Variants in NR2F1-AS1 observed in about 807,000 individuals in gnomAD.
NR2F1-AS1 encodes NR2F1 antisense RNA 1.
At chr5:93,490,513 G>A (rs1356832420) in intron 4 of NR2F1-AS1, among the ~76,000 whole-genome samples, 1 of 149,912 alleles carries the variant, frequency 6.7e-6, no homozygotes, top group Non-Finnish European at 1.5e-5. Context: ...TAATGGTGGT[G>A]TTGATGGTCA....
intron 4 of NR2F1-AS1, among the ~76,000 whole-genome samples, chr5:93,420,284 T>G (rs1749061328): frequency 6.6e-6 from 1 of 152,166 alleles, no homozygotes; most frequent in Non-Finnish European, 1.5e-5. Context: ...ATGTGTGCTC[T>G]TGGTAGGCAG....
chr5:93,497,482 G>A (rs1279829975), intron 4 of NR2F1-AS1, among the ~76,000 whole-genome samples: 2 of 152,110 alleles, frequency 1.3e-5, no homozygotes, highest in Non-Finnish European at 2.9e-5. Flanking sequence ...GTGGATGAAA[G>A]GTCCTACTTT....
chr5:93,495,213 G>A (rs1426212203), intron 4 of NR2F1-AS1, among the ~76,000 whole-genome samples: 1 of 152,096 alleles, frequency 6.6e-6, no homozygotes, highest in Admixed American at 6.6e-5. Context: ...TTACATACAT[G>A]TGGCTGTTCT....
chr5:93,564,527 A>G (rs1752572652), intron 1 of NR2F1-AS1, among the ~76,000 whole-genome samples: 1 of 152,198 alleles, frequency 6.6e-6, no homozygotes, highest in South Asian at 2.1e-4. Context: ...TTTTCTCCAA[A>G]GAGATTTTAA....
intron 4 of NR2F1-AS1, among the ~76,000 whole-genome samples, chr5:93,540,506 C>T (rs1334770840): frequency 6.6e-6 from 1 of 152,174 alleles, no homozygotes; most frequent in Non-Finnish European, 1.5e-5. Context: ...ATCTTATCTG[C>T]TTGCCAGCAT....
intron 1 of NR2F1-AS1, among the ~76,000 whole-genome samples, chr5:93,577,831 G>C (rs957209931): frequency 6.6e-6 from 1 of 152,008 alleles, no homozygotes; most frequent in Non-Finnish European, 1.5e-5. Context: ...GATAAAACGG[G>C]GTTAGTTCTG....
intron 4 of NR2F1-AS1, among the ~76,000 whole-genome samples, chr5:93,469,722 A>G (rs1750326283): frequency 6.6e-6 from 1 of 151,998 alleles, no homozygotes; most frequent in Admixed American, 6.6e-5. Context: ...TGATGCATAA[A>G]TCTCCTCTAG....
At chr5:93,475,480 C>T (rs1750464573) in intron 4 of NR2F1-AS1, among the ~76,000 whole-genome samples, 1 of 152,160 alleles carries the variant, frequency 6.6e-6, no homozygotes, top group African/African-American at 2.4e-5. Flanking sequence ...CATTTGATTT[C>T]AGTGGAACAA....
intron 4 of NR2F1-AS1, among the ~76,000 whole-genome samples, chr5:93,513,004 T>A (rs1191921796): frequency 6.6e-6 from 1 of 152,102 alleles, no homozygotes; most frequent in Admixed American, 6.6e-5. Context: ...GAACTTTCAC[T>A]AACACAGTTA....
chr5:93,585,200 A>G (rs1395546120), upstream of NR2F1-AS1: 8 of 1,536,422 alleles, frequency 5.2e-6, no homozygotes, highest in Non-Finnish European at 7.0e-6. Flanking sequence ...GCCAGCCCGG[A>G]GCGCCCGCCA....
At chr5:93,576,461 A>T (rs2149932851) in intron 1 of NR2F1-AS1, among the ~76,000 whole-genome samples, 1 of 151,860 alleles carries the variant, frequency 6.6e-6, no homozygotes, top group South Asian at 2.1e-4. Context: ...ACTTTAGCTA[A>T]ACCTCCTCTC....
At chr5:93,585,114 CGCGGCG>C (rs954495672), upstream of NR2F1-AS1, 7 of 987,384 alleles carry the variant, frequency 7.1e-6, no homozygotes, top group African/African-American at 9.3e-5. Flanking sequence ...GCAGGCGGCC[CGCGGCG>C]GCGGCGGCGG....
At chr5:93,540,256 G>A (rs991036690) in intron 4 of NR2F1-AS1, among the ~76,000 whole-genome samples, 1 of 152,174 alleles carries the variant, frequency 6.6e-6, no homozygotes, top group Admixed American at 6.5e-5. Flanking sequence ...CACTAATGTT[G>A]AATACTCTCT....
At chr5:93,442,296 G>A (rs1749589267) in intron 4 of NR2F1-AS1, among the ~76,000 whole-genome samples, 1 of 152,166 alleles carries the variant, frequency 6.6e-6, no homozygotes, top group Admixed American at 6.5e-5. Context: ...CCTAGCCAAG[G>A]GAAGCCATGA....
chr5:93,560,284 T>C (rs890219598), intron 2 of NR2F1-AS1, among the ~76,000 whole-genome samples: 6 of 152,238 alleles, frequency 3.9e-5, no homozygotes, highest in Admixed American at 6.5e-5. Flanking sequence ...AGCAAGCTCA[T>C]GTAAGAACAA....
At chr5:93,478,906 A>C (rs1750543514) in intron 4 of NR2F1-AS1, among the ~76,000 whole-genome samples, 1 of 152,198 alleles carries the variant, frequency 6.6e-6, no homozygotes, top group Non-Finnish European at 1.5e-5. Flanking sequence ...CAAACTGGAA[A>C]GCTTTTAAGA....
chr5:93,513,009 C>T (rs897027529), intron 4 of NR2F1-AS1, among the ~76,000 whole-genome samples: 4 of 152,046 alleles, frequency 2.6e-5, no homozygotes, highest in Admixed American at 2.6e-4. Context: ...TTCACTAACA[C>T]AGTTAACAAA....
At chr5:93,502,805 T>C (rs946454814) in intron 4 of NR2F1-AS1, among the ~76,000 whole-genome samples, 1 of 152,174 alleles carries the variant, frequency 6.6e-6, no homozygotes, top group Admixed American at 6.5e-5. Flanking sequence ...AAATAGCTGC[T>C]AGTAAGGAAT....
At chr5:93,563,902 A>G (rs1752552039) in intron 1 of NR2F1-AS1, among the ~76,000 whole-genome samples, 2 of 151,922 alleles carry the variant, frequency 1.3e-5, no homozygotes, top group Admixed American at 6.6e-5. Context: ...GGAGTTTGAC[A>G]CCAGCCTGGC....
Sources: allele counts gnomAD v4.1 joint callset (sites outside exome capture counted in the v4.1 genomes callset), GRCh38; gene constraint gnomAD v4.1.1; transcripts MANE v1.5; gene names NCBI Gene and HGNC (gene_info 2026-07-23, HGNC 2026-07-21).